Variants in CEP170B observed in about 807,000 individuals in gnomAD.
CEP170B encodes centrosomal protein of 170 kDa protein B.
CEP170B carries 55 observed loss-of-function variants against 120.6 expected under a neutral mutation model. The observed-to-expected ratio is 0.46, with a 90% CI of 0.37 to 0.57. The LOEUF is 0.57. Among genes scored for constraint, CEP170B ranks in the 20% least tolerant of loss-of-function variants. CEP170B has a pLI of 0.00. For synonymous variants in CEP170B, 1,033 were observed against 954.5 expected (o/e 1.08, Z -1.52); for missense variants, 2,212 against 2,253.3 (o/e 0.98, Z 0.37).
rs1896533149 is a variant in CEP170B, at chr14:104,886,706, G to A, written c.2467G>A (p.Gly823Arg). 2 of 1,591,430 alleles carry A rather than the reference G, an allele frequency of 1.3e-6. No individual in the cohort carries two copies. The highest frequency in any genetic ancestry group is 8.6e-7 in the Non-Finnish European group (1 of 1,168,262). Residue 823 changes from glycine (G) to arginine (R), a missense_variant, in exon 12 of 19, where the codon GGG becomes AGG. Physicochemically the swap from Gly to Arg is moderately radical, Grantham distance 125. This residue lies in a region of CEP170B where 2,166 missense variants were observed against 2,166.7 expected (regional missense o/e 1.00). Coordinates refer to ENST00000414716, the MANE Select transcript of CEP170B (RefSeq NM_001112726.3). ...LAAPGDGEGL[G>R]QTAQPSPPAR... ...GGCTCCAGGGGATGGGGAGGGCCTA[G>A]GGCAGACAGCCCAGCCCAGCCCCCC...
At chr14:104,875,838 G>A (rs1403003169) in intron 2 of CEP170B, among the ~76,000 whole-genome samples, 1 of 152,184 alleles carries the variant, frequency 6.6e-6, no homozygotes, top group Non-Finnish European at 1.5e-5. Context: ...AGCACCAAAG[G>A]TGTGGACACT....
In CEP170B at chr14:104,883,402, C is replaced by A; in HGVS notation, c.945C>A (p.Ala315=). Residue 315 remains alanine (A), a synonymous_variant, in exon 8 of 19, where the codon GCC becomes GCA. Transcript: ENST00000414716. ...TGGTGTCGGCTGAGACCAAGGTGGCCGACTGGCTGGTGCAGAATGACCCGA... is the reference window on the plus strand; with the variant it reads ...TGGTGTCGGCTGAGACCAAGGTGGCAGACTGGCTGGTGCAGAATGACCCGA... ...GEMVSAETKV[A]DWLVQNDPSL... 6.3e-7 allele frequency: 1 copy of A among 1,592,240 alleles called. No homozygotes were observed. Among genetic ancestry groups the A allele is most frequent in the Non-Finnish European group, 8.5e-7 (1 of 1,170,906 alleles).
In CEP170B at chr14:104,894,137, C is replaced by T. The variant is rs1896979176; in HGVS notation, c.4272-148C>T. ...CAGGCACAGATGGGACTTTGGTGCCCTTCATGCATCAGGCCTCAGTTTCCC... is the reference window on the plus strand; with the variant it reads ...CAGGCACAGATGGGACTTTGGTGCCTTTCATGCATCAGGCCTCAGTTTCCC... On this transcript the variant is annotated intron_variant, in intron 16 of 18. Transcript: ENST00000414716. 1.3e-5 allele frequency: 9 copies of T among 693,634 alleles called. No homozygotes were observed. The East Asian group carries it at 2.1e-4, about 17-fold the overall frequency. The allele number at this position is 693,634 out of a possible 1,614,324, so 43.0% of individuals were successfully genotyped here. A position where few individuals can be genotyped will look rare whatever the true frequency, so the allele number is the denominator to read the frequency against.
At chr14:104,889,490 T>G in intron 12 of CEP170B, 130 bp from the exon 13 acceptor site, 1 of 1,541,066 alleles carries the variant, frequency 6.5e-7, no homozygotes, top group Non-Finnish European at 8.7e-7. Context: ...CTGTTCTTGC[T>G]TCTAAAACCA....
Position 104,883,937 on chromosome 14 carries a change from G to C in CEP170B, c.1158G>C (p.Leu386=), listed in dbSNP as rs546867082. Residue 386 remains leucine (L), a synonymous_variant, in exon 9 of 19, where the codon CTG becomes CTC. Transcript: ENST00000414716. Reference sequence around the variant, plus strand: ...AGGCCAGCGGGGAGCAGGTGCGGCTGCAGAGGCAGATCAAGCGGGACCCCC... The same window carrying C: ...AGGCCAGCGGGGAGCAGGTGCGGCTCCAGAGGCAGATCAAGCGGGACCCCC... ...PLEASGEQVR[L]QRQIKRDPQE... 1.2e-6 allele frequency: 2 copies of C among 1,603,530 alleles called. No individual in the cohort carries two copies. The highest frequency in any genetic ancestry group is 2.7e-5 in the African/African-American group (2 of 74,926).
At position 104,886,417 on chromosome 14, in the gene CEP170B, G is replaced by A. The variant is rs369150904; in HGVS notation, c.2178G>A (p.Pro726=). 630 of 1,580,042 alleles carry A rather than the reference G, an allele frequency of 4.0e-4. 1 individual carries two copies. Among genetic ancestry groups the A allele is most frequent in the South Asian group, 7.0e-4 (61 of 86,550 alleles). The change falls in exon 12 of 19, where the codon CCG becomes CCA. Residue 726 remains proline, a synonymous_variant. Coordinates refer to ENST00000414716, the MANE Select transcript of CEP170B (RefSeq NM_001112726.3). ...ESSRRSGPGP[P]ELDSEQPSRL... is the part of the protein sequence containing the mutation. ...GCAGGAGGAGTGGGCCTGGGCCACCGGAGCTGGACAGTGAGCAGCCCAGCC... is the reference window on the plus strand; with the variant it reads ...GCAGGAGGAGTGGGCCTGGGCCACCAGAGCTGGACAGTGAGCAGCCCAGCC...
chr14:104,892,670 G>T (rs951873936), intron 13 of CEP170B, among the ~76,000 whole-genome samples: 9 of 152,368 alleles, frequency 5.9e-5, no homozygotes, highest in South Asian at 2.1e-4. Context: ...GCCGGAGAGA[G>T]AGGAGGTGTG....
intron 18 of CEP170B, 56 bp downstream of exon 18, chr14:104,894,644 A>T: frequency 6.3e-7 from 1 of 1,587,256 alleles, no homozygotes; most frequent in Non-Finnish European, 8.6e-7. Context: ...CTTGTGGGGA[A>T]CCCTGACTCA....
chr14:104,885,279 C>A, intron 9 of CEP170B, 90 bp from the exon 10 acceptor site: 1 of 1,399,672 alleles, frequency 7.1e-7, no homozygotes. Context: ...TCCCTGCTCT[C>A]CCTGTGGCCT....
chr14:104,884,117 C>T lies in CEP170B; in HGVS notation c.1338C>T (p.Pro446=), dbSNP rs1896318010. The part of the protein sequence containing the change: ...RGPTPADRDR[P]SVPAPVQAGG... ...CAACGCCGGCCGATAGGGACCGCCC[C>T]AGTGTCCCAGCCCCAGTCCAGGCAG... is the stretch of plus-strand genomic sequence containing the variant. Residue 446 remains proline, a synonymous_variant, in exon 9 of 19, where the codon CCC becomes CCT. Transcript: ENST00000414716. The T allele has an allele frequency of 2.5e-6, 4 of 1,571,034 alleles. No individual in the cohort carries two copies. Among genetic ancestry groups the T allele is most frequent in the Non-Finnish European group, 2.6e-6 (3 of 1,159,050 alleles).
In CEP170B at chr14:104,893,084, C is replaced by T; in HGVS notation, c.3987C>T (p.Ser1329=). Residue 1329 remains serine, a synonymous_variant, in exon 14 of 19, where the codon TCC becomes TCT. Coordinates refer to ENST00000414716, the MANE Select transcript of CEP170B (RefSeq NM_001112726.3). ...LGSSEPAHSA[S]LSNMPSTPAS... is the part of the protein sequence containing the mutation. ...CCTCGGAGCCTGCCCACAGCGCCTC[C>T]CTCAGCAACATGCCCAGCACCCCCG... 1.2e-6 allele frequency: 2 copies of T among 1,607,888 alleles called. No individual in the cohort carries two copies. Among genetic ancestry groups the T allele is most frequent in the Non-Finnish European group, 1.7e-6 (2 of 1,178,472 alleles).
In CEP170B at chr14:104,885,440, G is replaced by C; in HGVS notation, c.1842G>C (p.Gly614=). 3 of 1,564,474 alleles carry C rather than the reference G, an allele frequency of 1.9e-6. No individual in the cohort carries two copies. The highest frequency in any genetic ancestry group is 2.6e-6 in the Non-Finnish European group (3 of 1,155,228). Residue 614 remains glycine (G), a synonymous_variant, in exon 10 of 19, where the codon GGG becomes GGC. Transcript: ENST00000414716. ...SSATFRPVIR[G]DRDESDDGGV... ...CCACCTTTCGCCCAGTCATCAGAGG[G>C]GACAGAGATGAGTCTGATGACGGGG... is the stretch of plus-strand genomic sequence containing the variant.
At position 104,870,940 on chromosome 14, in the gene CEP170B, G is replaced by C. The variant is rs1895448249; in HGVS notation, c.105+2385G>C. 6.6e-6 allele frequency among the ~76,000 whole-genome samples: 1 copy of C among 151,952 alleles called. No homozygotes were observed. The highest frequency in any genetic ancestry group is 1.5e-5 in the Non-Finnish European group (1 of 67,956). On this transcript the variant is annotated intron_variant, in intron 2 of 18. Transcript: ENST00000414716. This position sits in a 1 kb window ranked among gnomAD's most constrained non-coding sequence, Gnocchi z 4.1. ...AGCGGCCTCCTACCTGCCCACCGCT[G>C]CCCCCTGCCGGCCTCTGTCACCCCT... is the stretch of plus-strand genomic sequence containing the variant.
In CEP170B at chr14:104,868,487, G is replaced by A. The variant is rs1422264844; in HGVS notation, c.37G>A (p.Gly13Ser). 8 of 1,549,412 alleles carry A rather than the reference G, an allele frequency of 5.2e-6. No individual in the cohort carries two copies. The Admixed American group carries it at 5.9e-5, about 11-fold the overall frequency. ...GTCCTGGTTCCTGGTGAGCAGCAGC[G>A]GCGCCCGCCACCGGCTCCCTCGGGA... is the stretch of plus-strand genomic sequence containing the variant. Reference protein sequence around the residue: ...ATSWFLVSSSGARHRLPRELI... With the variant: ...ATSWFLVSSSSARHRLPRELI... Residue 13 changes from glycine (G) to serine (S), a missense_variant, in exon 2 of 19, where the codon GGC becomes AGC. Gly to Ser is a moderately conservative substitution (Grantham distance 56). This residue lies in a region of CEP170B where 46 missense variants were observed against 86.6 expected (regional missense o/e 0.53). Coordinates refer to ENST00000414716, the MANE Select transcript of CEP170B (RefSeq NM_001112726.3). This position sits in a 1 kb window ranked among gnomAD's most constrained non-coding sequence, Gnocchi z 5.9.
chr14:104,889,855 T>G, intron 13 of CEP170B, 97 bp downstream of exon 13: 1 of 1,302,820 alleles, frequency 7.7e-7, no homozygotes, highest in Non-Finnish European at 1.1e-6. Flanking sequence ...GCTCCCTTCT[T>G]GAGTGGATAG....
In CEP170B at chr14:104,865,378, G is replaced by C. The variant is rs1285592703; in HGVS notation, c.-163G>C. 2.0e-5 allele frequency: 3 copies of C among 147,342 alleles called. No individual in the cohort carries two copies. The highest frequency in any genetic ancestry group is 7.5e-5 in the African/African-American group (3 of 40,234). 9.1% of individuals were successfully genotyped at this position (147,342 alleles called of 1,614,324 possible). ...CGGGCATGTCCTAGGCGGCGGCCCC[G>C]CCCAGCGCTCGGCCGGGCGGGCGGG... is the stretch of plus-strand genomic sequence containing the variant. On this transcript the variant is annotated 5_prime_UTR_variant, in exon 1 of 19. Transcript: ENST00000414716. The surrounding 1 kb of genome is among the most constrained non-coding windows in gnomAD (Gnocchi z 6.7).
intron 6 of CEP170B, among the ~76,000 whole-genome samples, chr14:104,880,661 C>T (rs1896099907): frequency 6.6e-6 from 1 of 151,574 alleles, no homozygotes; most frequent in South Asian, 2.1e-4. Context: ...TGCATGCCTG[C>T]ACCCCTCACT....
Position 104,884,204 on chromosome 14 carries a change from G to A in CEP170B, c.1425G>A (p.Arg475=). Residue 475 remains arginine (R), a synonymous_variant, in exon 9 of 19, where the codon CGG becomes CGA. Coordinates refer to ENST00000414716, the MANE Select transcript of CEP170B (RefSeq NM_001112726.3). ...TCAAGCGGGAGAAGACAGAGGAACG[G>A]CTGGGCAGCCCCTCGCCCGCCTCCC... ...GSLKREKTEE[R]LGSPSPASRT... is the part of the protein sequence containing the mutation. 3 of 1,544,274 alleles carry A rather than the reference G, an allele frequency of 1.9e-6. No individual in the cohort carries two copies. The highest frequency in any genetic ancestry group is 8.7e-7 in the Non-Finnish European group (1 of 1,147,608).
At position 104,870,475 on chromosome 14, in the gene CEP170B, G is replaced by C. The variant is rs140152425; in HGVS notation, c.105+1920G>C. On this transcript the variant is annotated intron_variant, in intron 2 of 18. Transcript: ENST00000414716. The surrounding 1 kb of genome is among the most constrained non-coding windows in gnomAD (Gnocchi z 4.1). ...TACAGGGGTGGCATCAGTGATGGCC[G>C]CGCTGCTCTACCTAGGGTGGCTAGG... is the stretch of plus-strand genomic sequence containing the variant. 0.013 allele frequency among the ~76,000 whole-genome samples: 1,983 copies of C among 152,274 alleles called. 46 individuals carry two copies. The highest frequency in any genetic ancestry group is 0.045 in the African/African-American group (1,863 of 41,538).
Sources: allele counts gnomAD v4.1 joint callset (sites outside exome capture counted in the v4.1 genomes callset), GRCh38; gene constraint gnomAD v4.1.1; regional missense constraint gnomAD v4.1.1; non-coding constraint Gnocchi (gnomAD v3.1); transcripts MANE v1.5; gene names NCBI Gene and HGNC (gene_info 2026-07-23, HGNC 2026-07-21).